The following ERG variants were observed in gnomAD, a reference collection of about 807,000 sequenced individuals.
ERG encodes the protein transcriptional regulator ERG.
In ERG, 9 loss-of-function variants were observed where a neutral mutation model predicts 55.3. That is an observed-to-expected ratio of 0.16 (90% CI 0.10 to 0.28). The LOEUF is 0.28. Among genes scored for constraint, ERG ranks in the 10% least tolerant of loss-of-function variants. The pLI, the probability that ERG is intolerant of heterozygous loss-of-function variation, is 1.00. For missense variants in ERG, 434 were observed against 631.6 expected (o/e 0.69, Z 3.35); for synonymous variants, 223 against 237.3 (o/e 0.94, Z 0.55).
intron 3 of ERG, among the ~76,000 whole-genome samples, chr21:38,405,221 T>C (rs1487405034): frequency 2.6e-5 from 4 of 152,230 alleles, no homozygotes; most frequent in Non-Finnish European, 4.4e-5. Flanking sequence ...ATATATTGTT[T>C]TGTGTTTTTA....
chr21:38,407,018 T>C (rs943613971), intron 3 of ERG, among the ~76,000 whole-genome samples: 2 of 152,200 alleles, frequency 1.3e-5, no homozygotes, highest in Non-Finnish European at 2.9e-5. Flanking sequence ...GTTCTGCCAA[T>C]ATGAGTATAA....
rs1989609287 is a variant in ERG, at chr21:38,422,884, CA to C, written c.388+525del. On this transcript the variant is annotated intron_variant, in intron 3 of 9. Coordinates refer to ENST00000288319, the MANE Select transcript of ERG (RefSeq NM_182918.4). ...TTTCCAGATAAGAGAATTTTAAAAA[CA>C]AACAAGTCTATCATCTATCATAAAT... Among the ~76,000 whole-genome samples, 3 of 152,092 alleles carry C rather than the reference CA, an allele frequency of 2.0e-5. No individual in the cohort carries two copies. The South Asian group carries it at 6.2e-4, about 32-fold the overall frequency.
At chr21:38,608,188 T>C (rs1181185929) in intron 1 of ERG, among the ~76,000 whole-genome samples, 1 of 152,214 alleles carries the variant, frequency 6.6e-6, no homozygotes, top group Non-Finnish European at 1.5e-5. Context: ...ATACTCTGTT[T>C]ATGAGAGATG....
At chr21:38,617,398 A>C (rs1331372441) in intron 1 of ERG, among the ~76,000 whole-genome samples, 1 of 152,156 alleles carries the variant, frequency 6.6e-6, no homozygotes, top group Non-Finnish European at 1.5e-5. Context: ...CTCTCCCTTA[A>C]CCACATGGAA....
chr21:38,384,935 G>T (rs1987623507), intron 9 of ERG, among the ~76,000 whole-genome samples: 1 of 152,018 alleles, frequency 6.6e-6, no homozygotes, highest in Admixed American at 6.6e-5. Flanking sequence ...CCTGTGTGCT[G>T]CAACGCCAAT....
intron 1 of ERG, among the ~76,000 whole-genome samples, chr21:38,475,679 C>T (rs1403206811): frequency 2.0e-5 from 3 of 152,196 alleles, no homozygotes; most frequent in African/African-American, 7.2e-5. Flanking sequence ...CCCCCGGCCA[C>T]CTGGCTCTAT....
upstream of ERG, among the ~76,000 whole-genome samples, chr21:38,588,714 C>T (rs924453637): frequency 6.6e-5 from 10 of 152,082 alleles, no homozygotes; most frequent in African/African-American, 2.4e-4. Flanking sequence ...CAAAGCACTG[C>T]TTTCTGTTTT....
intron 3 of ERG, among the ~76,000 whole-genome samples, chr21:38,404,118 A>C (rs1251174026): frequency 2.6e-5 from 4 of 152,202 alleles, no homozygotes; most frequent in South Asian, 2.1e-4. Flanking sequence ...TGGAAATAAG[A>C]GTAAGCCACA....
At chr21:38,403,162 C>T (rs2073359) in intron 4 of ERG, among the ~76,000 whole-genome samples, 80,886 of 152,070 alleles carry the variant, frequency 0.53, 22,244 homozygotes, top group Non-Finnish European at 0.61. Context: ...GATTCTATTT[C>T]GATTCGGGGT....
At chr21:38,436,371 A>G (rs935286768) in intron 2 of ERG, among the ~76,000 whole-genome samples, 8 of 152,356 alleles carry the variant, frequency 5.3e-5, no homozygotes, top group Middle Eastern at 3.4e-3. Flanking sequence ...TGTGTAACAT[A>G]TACAAAAAAT....
chr21:38,650,715 C>T (rs1167036708), intron 1 of ERG, among the ~76,000 whole-genome samples: 1 of 152,106 alleles, frequency 6.6e-6, no homozygotes, highest in Non-Finnish European at 1.5e-5. Context: ...ACGTATAGTA[C>T]ACATATAGCA....
intron 3 of ERG, among the ~76,000 whole-genome samples, chr21:38,416,353 A>G (rs1226315404): frequency 6.6e-6 from 1 of 152,244 alleles, no homozygotes; most frequent in African/African-American, 2.4e-5. Flanking sequence ...TTAGGATTCT[A>G]CACTATGATA....
intron 2 of ERG, among the ~76,000 whole-genome samples, chr21:38,510,610 C>T (rs2059504353): frequency 1.3e-5 from 2 of 152,260 alleles, no homozygotes; most frequent in South Asian, 2.1e-4. Context: ...GCTATACATA[C>T]CTTGTGCTTC....
chr21:38,555,484 G>A (rs1437925913), intron 2 of ERG, among the ~76,000 whole-genome samples: 6 of 151,898 alleles, frequency 4.0e-5, no homozygotes, highest in Non-Finnish European at 4.4e-5. Flanking sequence ...GAAAATATAT[G>A]AAACACATTT....
At chr21:38,429,589 GTATATGTACA>G (rs57941884) in intron 2 of ERG, among the ~76,000 whole-genome samples, 409 of 23,542 alleles carry the variant, frequency 0.017, 54 homozygotes, top group African/African-American at 0.023. Context: ...ATACATATGT[GTATATGTACA>G]TGTATACACA....
At position 38,507,222 on chromosome 21, in the gene ERG, G is replaced by A. The variant is rs192747569; in HGVS notation, c.-41+68440C>T. ...TGCTTCACAGGAGGGGTCCACTGGC[G>A]CGCGCTGGAGGCGGGGAGCCTTCGT... is the stretch of plus-strand genomic sequence containing the variant. On this transcript the variant is annotated intron_variant, in intron 2 of 8. Transcript: ENST00000398897. 2.6e-3 allele frequency among the ~76,000 whole-genome samples: 392 copies of A among 152,330 alleles called. 2 individuals carry two copies. Among genetic ancestry groups the A allele is most frequent in the African/African-American group, 9.1e-3 (377 of 41,584 alleles).
intron 6 of ERG, among the ~76,000 whole-genome samples, chr21:38,392,646 TTGTC>T (rs1292945104): frequency 4.6e-5 from 7 of 152,216 alleles, no homozygotes; most frequent in Admixed American, 6.5e-5. Flanking sequence ...TCTCACCCGT[TTGTC>T]TGAAAACTTC....
chr21:38,608,612 G>A (rs2060209148), intron 1 of ERG, among the ~76,000 whole-genome samples: 1 of 152,194 alleles, frequency 6.6e-6, no homozygotes, highest in African/African-American at 2.4e-5. Flanking sequence ...TTCACCTGTT[G>A]CCTGACATTT....
intron 1 of ERG, among the ~76,000 whole-genome samples, chr21:38,654,914 G>A (rs2060509969): frequency 6.6e-6 from 1 of 150,792 alleles, no homozygotes; most frequent in Non-Finnish European, 1.5e-5. Flanking sequence ...TAATTTTAAT[G>A]AGAATCCATT....
Sources: gnomAD v4.1 joint callset for allele counts (sites outside exome capture counted in the v4.1 genomes callset) on GRCh38, gnomAD v4.1.1 for gene constraint, MANE v1.5 for transcripts, NCBI Gene and HGNC (gene_info 2026-07-23, HGNC 2026-07-21) for gene names.